Variants in DAAM2 observed in about 807,000 individuals in gnomAD.
The protein encoded by DAAM2 is disheveled-associated activator of morphogenesis 2.
Under a neutral mutation model 120.7 loss-of-function variants are expected in DAAM2, and 39 were observed. That is an observed-to-expected ratio of 0.32 (90% confidence interval 0.25 to 0.42). The LOEUF (loss-of-function observed/expected upper bound fraction) is 0.42, where lower values mean the gene tolerates loss of function less well. Among genes scored for constraint, DAAM2 ranks in the 10% least tolerant of loss-of-function variants. The probability of loss-of-function intolerance (pLI) is 1.00; values close to 1 mark genes in which losing one functional copy is unlikely to be tolerated. For synonymous variants in DAAM2, 488 were observed against 524.9 expected, an observed-to-expected ratio of 0.93 and a Z score of 0.96; for missense variants, 1,283 against 1,401.7, an observed-to-expected ratio of 0.92 and a Z score of 1.35.
chr6:39,833,518 G>A (rs770196078), intron 1 of DAAM2, among the ~76,000 whole-genome samples: 21 of 152,242 alleles, frequency 1.4e-4, no homozygotes, highest in South Asian at 8.3e-4. Flanking sequence ...ATGTTGGCCA[G>A]GCTGGTCTCG....
chr6:39,886,750 G>A (rs1025017517), intron 15 of DAAM2: 1 of 321,330 alleles, frequency 3.1e-6, no homozygotes, highest in African/African-American at 2.1e-5. Context: ...ACACAGGGTA[G>A]GCACGACACA....
intron 8 of DAAM2, among the ~76,000 whole-genome samples, chr6:39,871,106 T>C (rs1445534761): frequency 2.6e-5 from 4 of 152,230 alleles, no homozygotes; most frequent in East Asian, 1.9e-4. Context: ...CTGAGAGACA[T>C]TGGGCGATGC....
At position 39,901,161 on chromosome 6, in the gene DAAM2, C is replaced by G; in HGVS notation, c.2812-141C>G. ...TGATGATGATGGGGGTGTCTTCTCA[C>G]CTCTTCCAGCCCTGCCCCCTGTGCC... is the stretch of plus-strand genomic sequence containing the variant. On this transcript the variant is annotated intron_variant, in intron 23 of 24. Coordinates refer to ENST00000274867, the MANE Select transcript of DAAM2 (RefSeq NM_001201427.2). This position sits in a 1 kb window ranked among gnomAD's most constrained non-coding sequence, Gnocchi z 4.5. 1.4e-6 allele frequency: 1 copy of G among 724,442 alleles called. No homozygotes were observed. Among genetic ancestry groups the G allele is most frequent in the Admixed American group, 2.4e-5 (1 of 42,094 alleles). 44.9% of individuals were successfully genotyped at this position (724,442 alleles called of 1,614,324 possible). A position where few individuals can be genotyped will look rare whatever the true frequency, so the allele number is the denominator to read the frequency against.
chr6:39,856,462 G>C lies in DAAM2; in HGVS notation c.160G>C (p.Glu54Gln). 1 of 1,460,298 alleles carries C rather than the reference G, an allele frequency of 6.8e-7. No homozygotes were observed. The highest frequency in any genetic ancestry group is 9.1e-7 in the Non-Finnish European group (1 of 1,101,762). The allele number at this position is 1,460,298 out of a possible 1,614,324, so 90.5% of individuals were successfully genotyped here. A position where few individuals can be genotyped will look rare whatever the true frequency, so the allele number is the denominator to read the frequency against. Residue 54 changes from glutamate to glutamine, a missense_variant, in exon 2 of 25, where the codon GAG (glutamate) becomes CAG (glutamine). This residue lies in a region of DAAM2 where 197 missense variants were observed against 189.3 expected (regional missense o/e 1.04). Coordinates refer to ENST00000274867, the MANE Select transcript of DAAM2 (RefSeq NM_001201427.2). Reference protein sequence around the residue: ...NAEELNIRFAELVDELDLTDK... With the variant: ...NAEELNIRFAQLVDELDLTDK... The stretch of plus-strand genomic sequence containing the variant: ...AGAGGAGCTCAACATCCGCTTTGCA[G>C]AGCTGGTGGTCAGTGAGAGGGTGGG...
chr6:39,817,686 C>T (rs1301706528), intron 1 of DAAM2, among the ~76,000 whole-genome samples: 1 of 152,138 alleles, frequency 6.6e-6, no homozygotes, highest in Non-Finnish European at 1.5e-5. Context: ...GGTAGGCCAG[C>T]AGGCTGGAGA....
intron 1 of DAAM2, among the ~76,000 whole-genome samples, chr6:39,847,116 G>A (rs939820122): frequency 6.6e-6 from 1 of 152,236 alleles, no homozygotes; most frequent in Non-Finnish European, 1.5e-5. Context: ...AGCCCCGGGG[G>A]CCAGGTGGGG....
intron 1 of DAAM2, chr6:39,848,458 T>C (rs1763681222): frequency 6.6e-6 from 1 of 152,122 alleles, no homozygotes; most frequent in Admixed American, 6.5e-5. Context: ...AGAAAAACAG[T>C]TGGAAAATCC....
intron 1 of DAAM2, among the ~76,000 whole-genome samples, chr6:39,799,180 C>T (rs1239856189): frequency 6.6e-6 from 1 of 152,142 alleles, no homozygotes; most frequent in Non-Finnish European, 1.5e-5. Flanking sequence ...CTCCACAACA[C>T]TTCTAGGGGG....
intron 1 of DAAM2, among the ~76,000 whole-genome samples, chr6:39,844,602 G>A (rs1269208571): frequency 6.6e-6 from 1 of 152,142 alleles, no homozygotes; most frequent in Non-Finnish European, 1.5e-5. Context: ...CTTTGAATGA[G>A]TCTGTGCTCC....
At chr6:39,809,347 C>T (rs1762098904) in intron 1 of DAAM2, among the ~76,000 whole-genome samples, 1 of 152,162 alleles carries the variant, frequency 6.6e-6, no homozygotes, top group African/African-American at 2.4e-5. Flanking sequence ...CTTCCGTGAC[C>T]AACCTCACAG....
chr6:39,826,076 A>G (rs1762662155), intron 1 of DAAM2, among the ~76,000 whole-genome samples: 1 of 152,096 alleles, frequency 6.6e-6, no homozygotes, highest in South Asian at 2.1e-4. Context: ...CCCATTGGAC[A>G]TGTGTCTTGG....
At chr6:39,830,379 C>T (rs959561907) in intron 1 of DAAM2, among the ~76,000 whole-genome samples, 1 of 152,154 alleles carries the variant, frequency 6.6e-6, no homozygotes, top group African/African-American at 2.4e-5. Context: ...GGTGAGTCCT[C>T]TGTGACTGTC....
Position 39,867,594 on chromosome 6 carries a change from C to A in DAAM2, c.513C>A (p.Ser171Arg). ...GCATGGACCACGCCACCTGTGAGAGCCGCATCCACACCTCACTCATTGGCT... is the reference window on the plus strand; with the variant it reads ...GCATGGACCACGCCACCTGTGAGAGACGCATCCACACCTCACTCATTGGCT... The part of the protein sequence containing the change: ...LRSMDHATCE[S>R]RIHTSLIGCI... The change falls in exon 6 of 25, where the codon AGC becomes AGA. Residue 171 changes from serine to arginine, a missense_variant. This residue lies in a region of DAAM2 where 338 missense variants were observed against 443.9 expected (regional missense o/e 0.76). Coordinates refer to ENST00000274867, the MANE Select transcript of DAAM2 (RefSeq NM_001201427.2). The A allele has an allele frequency of 1.9e-6, 3 of 1,614,022 alleles. 1 individual carries two copies. Among genetic ancestry groups the A allele is most frequent in the Middle Eastern group, 1.6e-4 (1 of 6,062 alleles).
chr6:39,891,877 T>C (rs1249041332), intron 19 of DAAM2, 155 bp downstream of exon 19: 14 of 641,034 alleles, frequency 2.2e-5, no homozygotes. Flanking sequence ...AAAATGATGA[T>C]TATTATAAAA....
In DAAM2 at chr6:39,891,452, G is replaced by C. The variant is rs903639179; in HGVS notation, c.2252+5G>C. 33 of 1,601,222 alleles carry C rather than the reference G, an allele frequency of 2.1e-5. No homozygotes were observed. Among genetic ancestry groups the C allele is most frequent in the Admixed American group, 1.0e-4 (6 of 58,396 alleles). ...CTTCCTCTATGAAATGAGCAGGTTGGGCCATGGGCATGGTGGGGATTCAAG... is the reference window on the plus strand; with the variant it reads ...CTTCCTCTATGAAATGAGCAGGTTGCGCCATGGGCATGGTGGGGATTCAAG... On this transcript the variant is annotated splice_donor_5th_base_variant and intron_variant, in intron 18 of 24. Coordinates refer to ENST00000274867, the MANE Select transcript of DAAM2 (RefSeq NM_001201427.2).
chr6:39,828,326 T>A (rs553387649), intron 1 of DAAM2, among the ~76,000 whole-genome samples: 1 of 152,206 alleles, frequency 6.6e-6, no homozygotes, highest in African/African-American at 2.4e-5. Context: ...AGGTGGTGTT[T>A]TGTTGCTTCT....
At position 39,902,235 on chromosome 6, in the gene DAAM2, C is replaced by T. The variant is rs992396464; in HGVS notation, c.*198C>T. On this transcript the variant is annotated 3_prime_UTR_variant, in exon 25 of 25. Transcript: ENST00000274867. ...AGGGGCTCCTCTTATCTCCCCTTCA[C>T]ATGATTCCTTCTGTGCCCTGGCCCC... The T allele has an allele frequency of 5.5e-5, 26 of 474,018 alleles. 1 individual carries two copies. The highest frequency in any genetic ancestry group is 8.9e-5 in the Non-Finnish European group (24 of 270,754). 29.4% of individuals were successfully genotyped at this position (474,018 alleles called of 1,614,324 possible).
chr6:39,867,908 G>A, intron 6 of DAAM2, 65 bp downstream of exon 6: 3 of 1,358,156 alleles, frequency 2.2e-6, no homozygotes, highest in Non-Finnish European at 3.0e-6. Flanking sequence ...ATGTGAGTGA[G>A]AGCCTGAAGA....
chr6:39,811,174 A>AGTATGTGTGTGT (rs1337293751), intron 1 of DAAM2, among the ~76,000 whole-genome samples: 12 of 146,462 alleles, frequency 8.2e-5, no homozygotes, highest in African/African-American at 3.1e-4. Context: ...AACTGAAGGG[A>AGTATGTGTGTGT]GTGTGTGTGT....
Sources: allele counts gnomAD v4.1 joint callset (sites outside exome capture counted in the v4.1 genomes callset), GRCh38; gene constraint gnomAD v4.1.1; regional missense constraint gnomAD v4.1.1; non-coding constraint Gnocchi (gnomAD v3.1); transcripts MANE v1.5; gene names NCBI Gene and HGNC (gene_info 2026-07-23, HGNC 2026-07-21).